ABCA1: variants seen among roughly 807,000 people sequenced by gnomAD.
ABCA1 encodes ATP binding cassette subfamily A member 1, also known as phospholipid-transporting ATPase ABCA1.
ABCA1 carries 133 observed loss-of-function variants against 262.5 expected under a neutral mutation model. That is an observed-to-expected ratio of 0.51 (90% CI 0.44 to 0.59). ABCA1 has a LOEUF of 0.59. ABCA1 is among the 20% of genes least tolerant of loss of function. ABCA1 has a pLI of 0.00. For synonymous variants in ABCA1, 1,022 were observed against 1,043.5 expected (o/e 0.98, Z 0.40); for missense variants, 2,452 against 2,777.5 (o/e 0.88, Z 2.63).
At chr9:104,814,259 C>T (rs935348337) in intron 26 of ABCA1, 28 bp from the exon 27 acceptor site, 2 of 1,610,364 alleles carry the variant, frequency 1.2e-6, no homozygotes, top group Non-Finnish European at 1.7e-6. Context: ...GAATCCCATA[C>T]TTTATTTTAT....
intron 41 of ABCA1, 73 bp from the exon 42 acceptor site, chr9:104,792,979 T>G (rs1829558924): frequency 6.2e-7 from 1 of 1,608,942 alleles, no homozygotes; most frequent in Admixed American, 1.7e-5. Flanking sequence ...TCTAACGTAG[T>G]ATTATAAAAC....
intron 5 of ABCA1, among the ~76,000 whole-genome samples, chr9:104,882,025 C>T (rs1838699608): frequency 1.9e-5 from 1 of 52,894 alleles, no homozygotes; most frequent in Non-Finnish European, 3.4e-5. Context: ...AGTTCTGTAG[C>T]CTTAAAAAAA....
intron 7 of ABCA1, among the ~76,000 whole-genome samples, chr9:104,858,025 A>G (rs1049866928): frequency 6.6e-6 from 1 of 152,086 alleles, no homozygotes; most frequent in Non-Finnish European, 1.5e-5. Context: ...CTTCGTCGGA[A>G]TTTTTCTTTG....
At chr9:104,793,145 T>C in intron 41 of ABCA1, 26 bp downstream of exon 41, 1 of 1,613,782 alleles carries the variant, frequency 6.2e-7, no homozygotes, top group South Asian at 1.1e-5. Context: ...AACCAGGTGC[T>C]CCACGGGTTC....
chr9:104,803,834 T>G (rs1830549611), intron 32 of ABCA1, among the ~76,000 whole-genome samples: 2 of 152,142 alleles, frequency 1.3e-5, no homozygotes, highest in African/African-American at 2.4e-5. Flanking sequence ...CTCAAACTCC[T>G]GACCTCAAGT....
chr9:104,892,408 A>G (rs1324701375), intron 2 of ABCA1, among the ~76,000 whole-genome samples: 2 of 142,458 alleles, frequency 1.4e-5, no homozygotes, highest in Admixed American at 7.0e-5. Flanking sequence ...TTATACCTCA[A>G]TAAAGCTGGG....
intron 9 of ABCA1, among the ~76,000 whole-genome samples, chr9:104,838,284 C>A (rs1346099955): frequency 5.0e-5 from 7 of 138,902 alleles, no homozygotes; most frequent in Admixed American, 3.1e-4. Context: ...GCCCGGGCAA[C>A]AAGAGCGAAA....
chr9:104,883,567 T>C (rs1051683113), intron 4 of ABCA1, among the ~76,000 whole-genome samples: 1 of 152,248 alleles, frequency 6.6e-6, no homozygotes, highest in Admixed American at 6.5e-5. Context: ...TAAAAGTTAA[T>C]ACACTAAAAA....
At chr9:104,884,312 C>T in intron 4 of ABCA1, 115 bp downstream of exon 4, 1 of 1,376,950 alleles carries the variant, frequency 7.3e-7, no homozygotes. Context: ...ATCACACAAG[C>T]ATTTACAAAA....
At chr9:104,785,335 G>C in intron 49 of ABCA1, 61 bp downstream of exon 49, 2 of 1,604,940 alleles carry the variant, frequency 1.2e-6, no homozygotes, top group Non-Finnish European at 8.5e-7. Flanking sequence ...CTATGGGCGG[G>C]AGTGTCGGGG....
intron 4 of ABCA1, 98 bp downstream of exon 4, chr9:104,884,329 T>G: frequency 1.3e-6 from 2 of 1,498,934 alleles, no homozygotes; most frequent in Non-Finnish European, 1.9e-6. Flanking sequence ...AAAAACAACT[T>G]CACTTAAATC....
rs549380226 is a variant in ABCA1, at chr9:104,875,502, G to A, written c.421+7537C>T. On this transcript the variant is annotated intron_variant, in intron 5 of 49. Transcript: ENST00000374736. The stretch of plus-strand genomic sequence containing the variant: ...AGTCGGGATGGCAGGCTGCTGCCCC[G>A]GATCTCTCTGCCAGTCCTGTCCCTT... Among the ~76,000 whole-genome samples the A allele has an allele frequency of 1.2e-4, 19 of 152,206 alleles. No individual in the cohort carries two copies. In the South Asian group the frequency reaches 2.1e-3, roughly 17 times the overall value.
rs1834264332 is a variant in ABCA1, at chr9:104,840,440, G to T, written c.893C>A (p.Thr298Asn). Residue 298 changes from threonine to asparagine, a missense_variant, in exon 9 of 50, where the codon ACC becomes AAC. By Grantham distance (65) the Thr-to-Asn change is moderately conservative. Around this residue, in one of 4 missense-constraint regions of ABCA1, gnomAD observed 1,032 missense variants for 1,089.7 expected, o/e 0.95. Coordinates refer to ENST00000374736, the MANE Select transcript of ABCA1 (RefSeq NM_005502.4). ...LTNVNSSSSS[T>N]QIYQAVSRIV... The stretch of plus-strand genomic sequence containing the variant: ...ACGAGACACAGCCTGGTAGATTTGG[G>T]TGGAGGAGCTGGAGCTGTTCACATT... 6.2e-7 allele frequency: 1 copy of T among 1,614,180 alleles called. No homozygotes were observed. The highest frequency in any genetic ancestry group is 1.3e-5 in the African/African-American group (1 of 75,026).
At chr9:104,837,589 A>T (rs1833937940) in intron 9 of ABCA1, 22 bp from the exon 10 acceptor site, 1 of 1,613,150 alleles carries the variant, frequency 6.2e-7, no homozygotes, top group Non-Finnish European at 8.5e-7. Context: ...AGGAGAGACA[A>T]ATGCTCATAT....
At chr9:104,875,474 C>T (rs1345822526) in intron 5 of ABCA1, among the ~76,000 whole-genome samples, 4 of 152,226 alleles carry the variant, frequency 2.6e-5, no homozygotes, top group African/African-American at 4.8e-5. Flanking sequence ...AAACTCCATA[C>T]TCAGTCGGGA....
At chr9:104,847,325 C>T (rs919913461) in intron 7 of ABCA1, among the ~76,000 whole-genome samples, 1 of 152,156 alleles carries the variant, frequency 6.6e-6, no homozygotes, top group African/African-American at 2.4e-5. Context: ...CCCATCCTTC[C>T]ATTTTCTCGA....
chr9:104,826,354 T>C (rs1440375934), intron 16 of ABCA1, among the ~76,000 whole-genome samples: 1 of 152,122 alleles, frequency 6.6e-6, no homozygotes, highest in Non-Finnish European at 1.5e-5. Flanking sequence ...ATAAGTGACC[T>C]GGGGACATCT....
rs1358169393 is a variant in ABCA1, at chr9:104,806,382, A to T, written c.4323T>A (p.Val1441=). ...AGEEEWTTAP[V]PQTIMDLFQN... is the part of the protein sequence containing the mutation. The stretch of plus-strand genomic sequence containing the variant: ...GGAAGAGGTCCATGATGGTCTGGGG[A>T]ACTGGGGCAGTGGTCCACTCTTCCT... The change falls in exon 31 of 50, where the codon GTT becomes GTA. Residue 1441 remains valine (V), a synonymous_variant. Transcript: ENST00000374736. 2.5e-6 allele frequency: 4 copies of T among 1,614,122 alleles called. No homozygotes were observed. Among genetic ancestry groups the T allele is most frequent in the Non-Finnish European group, 3.4e-6 (4 of 1,180,028 alleles).
intron 5 of ABCA1, among the ~76,000 whole-genome samples, chr9:104,881,559 C>T (rs1377546219): frequency 6.6e-6 from 1 of 152,140 alleles, no homozygotes; most frequent in African/African-American, 2.4e-5. Context: ...ATCTCATTAA[C>T]AGGTAAGAAG....
Sources: gnomAD v4.1 joint callset for allele counts (sites outside exome capture counted in the v4.1 genomes callset) on GRCh38, gnomAD v4.1.1 for gene constraint, gnomAD v4.1.1 regional missense constraint, MANE v1.5 for transcripts, NCBI Gene and HGNC (gene_info 2026-07-23, HGNC 2026-07-21) for gene names.